PKNOX2: variants seen among roughly 807,000 people sequenced by gnomAD.
PKNOX2 encodes PBX/knotted 1 homeobox 2.
A neutral mutation model predicts 53.1 loss-of-function variants in PKNOX2; 14 were observed. The ratio of observed to expected loss-of-function variants is 0.26; its 90% CI spans 0.17 to 0.41. The LOEUF (loss-of-function observed/expected upper bound fraction) is 0.41, where lower values mean the gene tolerates loss of function less well. PKNOX2 is among the 10% of genes least tolerant of loss of function. The pLI is 1.00. For missense variants in PKNOX2, 496 were observed against 602.8 expected, an observed-to-expected ratio of 0.82 and a Z score of 1.85; for synonymous variants, 257 against 242.8, an observed-to-expected ratio of 1.06 and a Z score of -0.54.
At chr11:125,192,339 A>G (rs1956929242) in intron 1 of PKNOX2, among the ~76,000 whole-genome samples, 1 of 152,200 alleles carries the variant, frequency 6.6e-6, no homozygotes, top group African/African-American at 2.4e-5. Context: ...CGCTGCGGCT[A>G]AAGAATGTGT....
At position 125,209,884 on chromosome 11, in the gene PKNOX2, T is replaced by C. The variant is rs1486451493; in HGVS notation, c.-200-25161T>C. Among the ~76,000 whole-genome samples, 2 of 152,032 alleles carry C rather than the reference T, an allele frequency of 1.3e-5. 1 individual carries two copies. The highest frequency in any genetic ancestry group is 2.9e-5 in the Non-Finnish European group (2 of 67,980). ...CACTCCCACCCTCACCTCCACCTGG[T>C]CTCTGCTGCAGTTCTGGGCTGGTAT... On this transcript the variant is annotated intron_variant, in intron 1 of 12. Transcript: ENST00000298282.
rs1049431671 is a variant in PKNOX2, at chr11:125,432,366, C to G, written c.*974C>G. On this transcript the variant is annotated 3_prime_UTR_variant, in exon 13 of 13. Coordinates refer to ENST00000298282, the MANE Select transcript of PKNOX2 (RefSeq NM_001382323.2). ...AGCCCGCAGGTCGCCACGGCCATCC[C>G]TTTGCTCCCAGCCTGGCTCCATCAG... is the stretch of plus-strand genomic sequence containing the variant. 1 of 152,956 alleles carries G rather than the reference C, an allele frequency of 6.5e-6. No individual in the cohort carries two copies. The highest frequency in any genetic ancestry group is 2.4e-5 in the African/African-American group (1 of 41,464). 9.5% of individuals were successfully genotyped at this position (152,956 alleles called of 1,614,324 possible).
intron 5 of PKNOX2, among the ~76,000 whole-genome samples, chr11:125,380,377 A>T (rs1041083461): frequency 2.6e-5 from 4 of 151,352 alleles, no homozygotes; most frequent in South Asian, 2.1e-4. Context: ...CAAATTTTGA[A>T]CGGCTTAAGA....
intron 2 of PKNOX2, among the ~76,000 whole-genome samples, chr11:125,278,427 A>C (rs911932506): frequency 1.3e-5 from 2 of 152,188 alleles, no homozygotes; most frequent in African/African-American, 4.8e-5. Context: ...GGGCATGGCC[A>C]AAGGCAGTGG....
chr11:125,364,670 A>G (rs1191088083), intron 4 of PKNOX2, among the ~76,000 whole-genome samples: 1 of 152,244 alleles, frequency 6.6e-6, no homozygotes, highest in East Asian at 1.9e-4. Flanking sequence ...TTATGGCAGA[A>G]GTACATTCCG....
intron 1 of PKNOX2, among the ~76,000 whole-genome samples, chr11:125,187,771 C>T (rs1956547678): frequency 6.6e-6 from 1 of 152,096 alleles, no homozygotes; most frequent in African/African-American, 2.4e-5. Flanking sequence ...AGCTTTCTGT[C>T]TCACCACTGA....
chr11:125,258,016 G>T (rs1944546596), intron 2 of PKNOX2, among the ~76,000 whole-genome samples: 1 of 152,176 alleles, frequency 6.6e-6, no homozygotes, highest in African/African-American at 2.4e-5. Flanking sequence ...CCCTGCCCCA[G>T]TTGAAGATGG....
Position 125,430,094 on chromosome 11 carries a change from C to T in PKNOX2, c.1145C>T (p.Ala382Val), listed in dbSNP as rs1017663986. 1.1e-5 allele frequency: 17 copies of T among 1,614,010 alleles called. No individual in the cohort carries two copies. Among genetic ancestry groups the T allele is most frequent in the South Asian group, 2.2e-5 (2 of 91,082 alleles). The change falls in exon 12 of 13, where the codon GCG becomes GTG. Residue 382 changes from alanine (A) to valine (V), a missense_variant. Physicochemically the swap from Ala to Val is moderately conservative, Grantham distance 64 (BLOSUM62 0). This residue lies in a region of PKNOX2 where 139 missense variants were observed against 161.3 expected (regional missense o/e 0.86). Coordinates refer to ENST00000298282, the MANE Select transcript of PKNOX2 (RefSeq NM_001382323.2). ...TQRFWPNSIA[A>V]GVLQQQGGAP... is the part of the protein sequence containing the mutation. ...AGATTCTGGCCCAACTCCATCGCTG[C>T]GGGGGTGCTGCAGCAGCAGGGCGGT... is the stretch of plus-strand genomic sequence containing the variant.
chr11:125,342,090 G>T (rs566273284), intron 3 of PKNOX2, among the ~76,000 whole-genome samples: 1 of 152,112 alleles, frequency 6.6e-6, no homozygotes, highest in African/African-American at 2.4e-5. Flanking sequence ...GGGTATGAGC[G>T]TCTCAGGAAC....
At chr11:125,364,205 T>A (rs1426956593) in intron 4 of PKNOX2, among the ~76,000 whole-genome samples, 1 of 152,204 alleles carries the variant, frequency 6.6e-6, no homozygotes, top group Non-Finnish European at 1.5e-5. Flanking sequence ...GAAGTGGATG[T>A]CTCTGGCTAG....
chr11:125,188,324 A>G (rs1431089826), intron 1 of PKNOX2, among the ~76,000 whole-genome samples: 2 of 152,184 alleles, frequency 1.3e-5, no homozygotes, highest in African/African-American at 4.8e-5. Flanking sequence ...GCTTTCTCAA[A>G]GGTACTGCAT....
At chr11:125,371,186 C>T (rs749276453) in intron 5 of PKNOX2, among the ~76,000 whole-genome samples, 10 of 152,238 alleles carry the variant, frequency 6.6e-5, no homozygotes, top group South Asian at 4.2e-4. Context: ...CCAGGGGCTC[C>T]GGCTCAGATT....
intron 2 of PKNOX2, among the ~76,000 whole-genome samples, chr11:125,256,435 G>T (rs1373636900): frequency 6.6e-6 from 1 of 152,174 alleles, no homozygotes; most frequent in Non-Finnish European, 1.5e-5. Context: ...CCCTGGGCAG[G>T]CACCTCAGGT....
intron 5 of PKNOX2, among the ~76,000 whole-genome samples, chr11:125,384,791 T>C (rs573258449): frequency 1.3e-5 from 2 of 152,236 alleles, no homozygotes; most frequent in East Asian, 3.9e-4. Flanking sequence ...TCTTCACTCA[T>C]TGATTCCTTC....
intron 2 of PKNOX2, among the ~76,000 whole-genome samples, chr11:125,242,467 C>T (rs944287511): frequency 6.6e-6 from 1 of 152,172 alleles, no homozygotes; most frequent in African/African-American, 2.4e-5. Flanking sequence ...CCTGCATGTA[C>T]CTGCCTGTGT....
At position 125,394,959 on chromosome 11, in the gene PKNOX2, CGT is replaced by C. The variant is rs112812944; in HGVS notation, c.400-2892_400-2891del. Among the ~76,000 whole-genome samples the C allele has an allele frequency of 6.2e-4, 93 of 149,166 alleles. 1 individual carries two copies. The highest frequency in any genetic ancestry group is 1.1e-3 in the African/African-American group (43 of 40,660). Reference sequence around the variant, plus strand: ...AGATTTCACCAGTTTTACGTGCCCTCGTGTGTGTGTGTGTGTGTGTGTGTACA... The same window carrying C: ...AGATTTCACCAGTTTTACGTGCCCTCGTGTGTGTGTGTGTGTGTGTGTACA... On this transcript the variant is annotated intron_variant, in intron 6 of 12. Coordinates refer to ENST00000298282, the MANE Select transcript of PKNOX2 (RefSeq NM_001382323.2).
At chr11:125,241,238 C>T (rs973838168) in intron 2 of PKNOX2, among the ~76,000 whole-genome samples, 4 of 152,172 alleles carry the variant, frequency 2.6e-5, no homozygotes, top group African/African-American at 9.7e-5. Context: ...TAGCTGAAAC[C>T]CCAACTATGC....
At chr11:125,324,117 C>A (rs755600129) in intron 2 of PKNOX2, among the ~76,000 whole-genome samples, 1 of 152,028 alleles carries the variant, frequency 6.6e-6, no homozygotes, top group African/African-American at 2.4e-5. Flanking sequence ...AAGAAGAATT[C>A]TTCTTGTTTA....
intron 1 of PKNOX2, among the ~76,000 whole-genome samples, chr11:125,183,560 C>G (rs75942358): frequency 6.6e-6 from 1 of 152,272 alleles, no homozygotes; most frequent in Non-Finnish European, 1.5e-5. Context: ...CAGCTACCCT[C>G]TGCCACTGTA....
Sources: gnomAD v4.1 joint callset for allele counts (sites outside exome capture counted in the v4.1 genomes callset) on GRCh38, gnomAD v4.1.1 for gene constraint, gnomAD v4.1.1 regional missense constraint, MANE v1.5 for transcripts, NCBI Gene and HGNC (gene_info 2026-07-23, HGNC 2026-07-21) for gene names.